KCNQ5: variants seen among roughly 807,000 people sequenced by gnomAD.
KCNQ5 encodes the protein potassium voltage-gated channel subfamily KQT member 5.
Under a neutral mutation model 98.2 loss-of-function variants are expected in KCNQ5, and 30 were observed. The ratio of observed to expected loss-of-function variants is 0.31; its 90% CI spans 0.23 to 0.41. The LOEUF is 0.41. Among genes scored for constraint, KCNQ5 ranks in the 10% least tolerant of loss-of-function variants. KCNQ5 has a pLI of 1.00. For missense variants in KCNQ5, 835 were observed against 1,182.5 expected (o/e 0.71, Z 4.31); for synonymous variants, 458 against 449.4 (o/e 1.02, Z -0.24).
intron 1 of KCNQ5, among the ~76,000 whole-genome samples, chr6:72,749,894 C>A (rs532794618): frequency 6.6e-6 from 1 of 152,046 alleles, no homozygotes; most frequent in African/African-American, 2.4e-5. Flanking sequence ...CAAGGAAGTA[C>A]AAACCAGTCT....
intron 1 of KCNQ5, among the ~76,000 whole-genome samples, chr6:72,966,809 C>G (rs1767641777): frequency 6.6e-6 from 1 of 152,106 alleles, no homozygotes; most frequent in Admixed American, 6.6e-5. Context: ...GTTCAGGAAC[C>G]CAGCACTTCC....
intron 1 of KCNQ5, among the ~76,000 whole-genome samples, chr6:72,813,015 A>G (rs1257970303): frequency 6.6e-6 from 1 of 152,210 alleles, no homozygotes; most frequent in African/African-American, 2.4e-5. Flanking sequence ...CACTGCCTTG[A>G]AAACATTCCA....
chr6:73,106,445 A>G (rs1403093969), intron 6 of KCNQ5, among the ~76,000 whole-genome samples: 3 of 152,200 alleles, frequency 2.0e-5, no homozygotes, highest in East Asian at 1.9e-4. Context: ...CTTAAACAAT[A>G]GAAAGGTATT....
chr6:72,676,042 A>G (rs1363833590), intron 1 of KCNQ5, among the ~76,000 whole-genome samples: 2 of 152,208 alleles, frequency 1.3e-5, no homozygotes, highest in Non-Finnish European at 2.9e-5. Context: ...TACAATTATT[A>G]TAGGATTTAA....
At chr6:72,960,478 G>A (rs1350145533) in intron 1 of KCNQ5, among the ~76,000 whole-genome samples, 1 of 152,124 alleles carries the variant, frequency 6.6e-6, no homozygotes, top group Non-Finnish European at 1.5e-5. Flanking sequence ...CACCCAGGCT[G>A]GAGTGCAATG....
chr6:72,733,287 A>G (rs1022161829), intron 1 of KCNQ5, among the ~76,000 whole-genome samples: 1 of 152,216 alleles, frequency 6.6e-6, no homozygotes, highest in Admixed American at 6.5e-5. Flanking sequence ...AAGTGAAACT[A>G]GGCAATAGTA....
chr6:72,770,602 C>T (rs1018971331), intron 1 of KCNQ5, among the ~76,000 whole-genome samples: 1 of 152,014 alleles, frequency 6.6e-6, no homozygotes, highest in Non-Finnish European at 1.5e-5. Context: ...ATAATTATTT[C>T]GAGAAAGAAA....
chr6:72,987,502 A>C (rs1230042965), intron 1 of KCNQ5: 1 of 661,848 alleles, frequency 1.5e-6, no homozygotes, highest in Admixed American at 1.8e-5. Flanking sequence ...GGCTTCAAAA[A>C]CCTGTCCCCT....
intron 3 of KCNQ5, among the ~76,000 whole-genome samples, chr6:73,059,828 T>C (rs1214429821): frequency 2.0e-5 from 3 of 152,176 alleles, no homozygotes; most frequent in African/African-American, 7.2e-5. Context: ...GTATTATGTT[T>C]ACATAGATGA....
At chr6:73,139,074 T>G (rs1254048961) in intron 10 of KCNQ5, among the ~76,000 whole-genome samples, 1 of 152,256 alleles carries the variant, frequency 6.6e-6, no homozygotes, top group Admixed American at 6.5e-5. Context: ...CTTTTGACTT[T>G]TTCCATCTGT....
At chr6:73,096,996 G>A (rs117746698) in intron 5 of KCNQ5, among the ~76,000 whole-genome samples, 4,279 of 151,948 alleles carry the variant, frequency 0.028, 80 homozygotes, top group Middle Eastern at 0.11. Flanking sequence ...AGCTGAGACC[G>A]TGCCACTGCA....
intron 1 of KCNQ5, among the ~76,000 whole-genome samples, chr6:72,726,820 T>C (rs1770305766): frequency 1.3e-5 from 2 of 152,120 alleles, no homozygotes; most frequent in South Asian, 4.1e-4. Context: ...ATGAAAGCCT[T>C]AAGTTCTAAT....
At chr6:72,913,460 G>C (rs538645012) in intron 1 of KCNQ5, among the ~76,000 whole-genome samples, 15 of 152,282 alleles carry the variant, frequency 9.9e-5, no homozygotes, top group African/African-American at 3.1e-4. Flanking sequence ...TGGGGTGTGT[G>C]AGTCCTGGGT....
At chr6:73,161,278 C>T (rs1386937098) in intron 10 of KCNQ5, among the ~76,000 whole-genome samples, 1 of 152,094 alleles carries the variant, frequency 6.6e-6, no homozygotes, top group Non-Finnish European at 1.5e-5. Context: ...GAAGACAGAG[C>T]TTAGACTGGT....
intron 1 of KCNQ5, among the ~76,000 whole-genome samples, chr6:72,863,209 C>A (rs149353038): frequency 6.6e-6 from 1 of 152,078 alleles, no homozygotes; most frequent in Non-Finnish European, 1.5e-5. Flanking sequence ...AGGAAAAAAA[C>A]AGCCTTTTCC....
chr6:72,728,506 G>A (rs1368120119), intron 1 of KCNQ5, among the ~76,000 whole-genome samples: 1 of 152,122 alleles, frequency 6.6e-6, no homozygotes, highest in Admixed American at 6.5e-5. Flanking sequence ...TATTCATTGT[G>A]ATTATCCTGT....
At chr6:72,961,689 G>A (rs529923961) in intron 1 of KCNQ5, among the ~76,000 whole-genome samples, 2 of 151,772 alleles carry the variant, frequency 1.3e-5, no homozygotes, top group African/African-American at 4.8e-5. Flanking sequence ...ATTTGGACGG[G>A]CTGAGACGAG....
At chr6:72,779,635 G>T (rs1773351090) in intron 1 of KCNQ5, among the ~76,000 whole-genome samples, 1 of 151,868 alleles carries the variant, frequency 6.6e-6, no homozygotes, top group African/African-American at 2.4e-5. Flanking sequence ...AAGCGGGAGG[G>T]TTCTTTTGGC....
At chr6:72,652,159 A>C (rs1269074263) in intron 1 of KCNQ5, among the ~76,000 whole-genome samples, 1 of 151,850 alleles carries the variant, frequency 6.6e-6, no homozygotes, top group Non-Finnish European at 1.5e-5. Context: ...AACATTCCAA[A>C]TATTCTCCGG....
Sources: allele counts gnomAD v4.1 joint callset (sites outside exome capture counted in the v4.1 genomes callset), GRCh38; gene constraint gnomAD v4.1.1; transcripts MANE v1.5; gene names NCBI Gene and HGNC (gene_info 2026-07-23, HGNC 2026-07-21).